Variants in CDKAL1 observed in about 807,000 individuals in gnomAD.
The protein encoded by CDKAL1 is threonylcarbamoyladenosine tRNA methylthiotransferase.
In CDKAL1, 32 loss-of-function variants were observed where a neutral mutation model predicts 68.2. The ratio of observed to expected loss-of-function variants is 0.47; its 90% CI spans 0.35 to 0.63. The LOEUF (loss-of-function observed/expected upper bound fraction) is 0.63. Ranked by LOEUF, CDKAL1 falls within the 30% of genes least tolerant of loss-of-function variation. The pLI, the probability that CDKAL1 is intolerant of heterozygous loss-of-function variation, is 0.00. For missense variants in CDKAL1, 606 were observed against 696.7 expected, an observed-to-expected ratio of 0.87 and a Z score of 1.47; for synonymous variants, 234 against 244.3, an observed-to-expected ratio of 0.96 and a Z score of 0.39.
chr6:20,823,556 C>G (rs1235825700), intron 8 of CDKAL1, among the ~76,000 whole-genome samples: 33 of 152,116 alleles, frequency 2.2e-4, no homozygotes, highest in Admixed American at 2.2e-3. Context: ...TTTACATAAA[C>G]ATGCTCTGTG....
At chr6:20,754,237 C>T (rs1774069766) in intron 6 of CDKAL1, among the ~76,000 whole-genome samples, 1 of 152,164 alleles carries the variant, frequency 6.6e-6, no homozygotes, top group Non-Finnish European at 1.5e-5. Flanking sequence ...CCCATATTGG[C>T]CTCCCAAAGT....
At chr6:20,862,674 T>TGCGCGCGTGCAC (rs1759707524) in intron 9 of CDKAL1, among the ~76,000 whole-genome samples, 2 of 152,004 alleles carry the variant, frequency 1.3e-5, no homozygotes, top group African/African-American at 2.4e-5. Flanking sequence ...CGCGCGTGCA[T>TGCGCGCGTGCAC]GCGCGCGTGC....
At chr6:20,934,595 A>G (rs1052850601) in intron 9 of CDKAL1, among the ~76,000 whole-genome samples, 1 of 152,156 alleles carries the variant, frequency 6.6e-6, no homozygotes, top group African/African-American at 2.4e-5. Context: ...CTATAATCCC[A>G]GCACTTTGGG....
At position 20,760,958 on chromosome 6, in the gene CDKAL1, G is replaced by A. The variant is rs757222716; in HGVS notation, c.517+2315G>A. ...TGCTCTATAAAAGACACTGTCAAGA[G>A]GATGGGAAAATAAGCCACAGAGTGG... On this transcript the variant is annotated intron_variant, in intron 7 of 15. Coordinates refer to ENST00000274695, the MANE Select transcript of CDKAL1 (RefSeq NM_017774.3). 2.0e-5 allele frequency among the ~76,000 whole-genome samples: 3 copies of A among 152,098 alleles called. No homozygotes were observed. The East Asian group carries it at 5.8e-4, about 29-fold the overall frequency.
intron 4 of CDKAL1, among the ~76,000 whole-genome samples, chr6:20,622,216 G>A (rs904948139): frequency 2.0e-5 from 3 of 151,810 alleles, no homozygotes; most frequent in African/African-American, 4.8e-5. Context: ...CAGTTGTGTC[G>A]TATAAGGACT....
In CDKAL1 at chr6:20,955,585, G is replaced by A; in HGVS notation, c.909G>A (p.Glu303=). The A allele has an allele frequency of 6.2e-7, 1 of 1,613,872 alleles. No homozygotes were observed. The highest frequency in any genetic ancestry group is 1.7e-5 in the Admixed American group (1 of 60,004). ...TNPPYILEHL[E]EMAKILNHPR... ...CGCCCTATATTTTAGAGCATCTGGA[G>A]GTAAGGAAAAGCACCCTATTTGCAT... is the stretch of plus-strand genomic sequence containing the variant. The change falls in exon 10 of 16, where the codon GAG becomes GAA. Residue 303 remains glutamate (E), a splice_region_variant and synonymous_variant. Coordinates refer to ENST00000274695, the MANE Select transcript of CDKAL1 (RefSeq NM_017774.3).
At chr6:21,071,029 A>G (rs1258871888) in intron 12 of CDKAL1, among the ~76,000 whole-genome samples, 1 of 152,182 alleles carries the variant, frequency 6.6e-6, no homozygotes, top group East Asian at 1.9e-4. Context: ...CTGCTGTCAA[A>G]CCCATCTATG....
chr6:20,882,526 C>T (rs1760874522), intron 9 of CDKAL1, among the ~76,000 whole-genome samples: 1 of 152,162 alleles, frequency 6.6e-6, no homozygotes, highest in South Asian at 2.1e-4. Flanking sequence ...GGAGGGTAAG[C>T]GAAAAGAATA....
At chr6:21,090,186 GA>G (rs1381464197) in intron 12 of CDKAL1, among the ~76,000 whole-genome samples, 2 of 152,158 alleles carry the variant, frequency 1.3e-5, no homozygotes, top group Non-Finnish European at 2.9e-5. Flanking sequence ...ATGTTAATTG[GA>G]AAACTAATTA....
chr6:20,964,070 A>G (rs1469677445), intron 10 of CDKAL1, among the ~76,000 whole-genome samples: 1 of 152,136 alleles, frequency 6.6e-6, no homozygotes, highest in Non-Finnish European at 1.5e-5. Context: ...ACTCAACATC[A>G]CCGATCATTA....
chr6:21,047,362 A>T (rs1056011823), intron 11 of CDKAL1, among the ~76,000 whole-genome samples: 10 of 152,336 alleles, frequency 6.6e-5, no homozygotes, highest in African/African-American at 2.4e-4. Context: ...AGAAGCCATC[A>T]TTTACAAAGC....
chr6:20,588,459 T>C (rs907547380), intron 4 of CDKAL1, among the ~76,000 whole-genome samples: 2 of 152,226 alleles, frequency 1.3e-5, no homozygotes, highest in Non-Finnish European at 2.9e-5. Context: ...AAATGTTTGA[T>C]CTCTATGTCC....
intron 8 of CDKAL1, among the ~76,000 whole-genome samples, chr6:20,822,712 A>G (rs1324400248): frequency 6.6e-6 from 1 of 151,988 alleles, no homozygotes; most frequent in Non-Finnish European, 1.5e-5. Flanking sequence ...ACGAGATCTG[A>G]TGGTTTTATA....
chr6:20,621,917 G>A (rs1461735003), intron 4 of CDKAL1, among the ~76,000 whole-genome samples: 1 of 151,852 alleles, frequency 6.6e-6, no homozygotes, highest in African/African-American at 2.4e-5. Context: ...CCAACATCTG[G>A]TGCTGGGTGT....
Position 20,546,449 on chromosome 6 carries a change from T to A in CDKAL1, c.99T>A (p.Asp33Glu), listed in dbSNP as rs767880713. 6.2e-7 allele frequency: 1 copy of A among 1,614,122 alleles called. No individual in the cohort carries two copies. Among genetic ancestry groups the A allele is most frequent in the Non-Finnish European group, 8.5e-7 (1 of 1,179,976 alleles). The change falls in exon 3 of 16, where the codon GAT (aspartate) becomes GAA (glutamate). Residue 33 changes from aspartate to glutamate, a missense_variant. Coordinates refer to ENST00000274695, the MANE Select transcript of CDKAL1 (RefSeq NM_017774.3). Reference sequence around the variant, plus strand: ...AAGATAGGCATTTTGTAAGAAAGGATGTTGTCCCGAAGGTACGAAGGCGAA... The same window carrying A: ...AAGATAGGCATTTTGTAAGAAAGGAAGTTGTCCCGAAGGTACGAAGGCGAA... ...KPQDRHFVRK[D>E]VVPKVRRRNT...
chr6:20,556,139 T>G (rs922165694), intron 4 of CDKAL1, among the ~76,000 whole-genome samples: 1 of 151,886 alleles, frequency 6.6e-6, no homozygotes, highest in Non-Finnish European at 1.5e-5. Flanking sequence ...CCTAGGCAGG[T>G]GGATCTCCTG....
At chr6:20,710,153 A>T (rs1326484543) in intron 5 of CDKAL1, among the ~76,000 whole-genome samples, 2 of 152,162 alleles carry the variant, frequency 1.3e-5, no homozygotes, top group Non-Finnish European at 2.9e-5. Context: ...CATTATGATA[A>T]TTACTTCATT....
intron 4 of CDKAL1, among the ~76,000 whole-genome samples, chr6:20,613,568 C>T (rs553464611): frequency 2.7e-5 from 4 of 150,428 alleles, no homozygotes; most frequent in Non-Finnish European, 4.4e-5. Context: ...AGCCACCATG[C>T]CTGGCTGCGA....
intron 7 of CDKAL1, among the ~76,000 whole-genome samples, chr6:20,767,667 T>C (rs925037645): frequency 3.9e-5 from 6 of 152,196 alleles, no homozygotes; most frequent in Non-Finnish European, 8.8e-5. Context: ...TTTAGTGATG[T>C]TATGGATCTT....
Sources: gnomAD v4.1 joint callset for allele counts (sites outside exome capture counted in the v4.1 genomes callset) on GRCh38, gnomAD v4.1.1 for gene constraint, MANE v1.5 for transcripts, NCBI Gene and HGNC (gene_info 2026-07-23, HGNC 2026-07-21) for gene names.